The following CDX4 variants were observed in gnomAD, a reference collection of about 807,000 sequenced individuals.
CDX4 encodes the protein caudal type homeobox 4.
In CDX4, 11 loss-of-function variants were observed where a neutral mutation model predicts 14.1. The observed-to-expected ratio is 0.78, with a 90% confidence interval of 0.49 to 1.29. The LOEUF is 1.29. Ranked by LOEUF, CDX4 falls within the 50% of genes most tolerant of loss-of-function variation. CDX4 has a pLI of 0.00. For missense variants in CDX4, 257 were observed against 237.4 expected (o/e 1.08, Z -0.54); for synonymous variants, 100 against 93.5 (o/e 1.07, Z -0.40).
In CDX4 at chrX:73,447,155, A is replaced by T; in HGVS notation, c.-99A>T. ...GTGCAAAAGAGCTTGCGGCACAACT[A>T]CGTACTGATAAGTTTATTCTCTGCT... is the stretch of plus-strand genomic sequence containing the variant. On this transcript the variant is annotated 5_prime_UTR_variant, in exon 1 of 3. Coordinates refer to ENST00000373514, the MANE Select transcript of CDX4 (RefSeq NM_005193.2). 1 of 968,097 alleles carries T rather than the reference A, an allele frequency of 1.0e-6. No homozygotes were observed. The highest frequency in any genetic ancestry group is 1.4e-6 in the Non-Finnish European group (1 of 700,759). 79.8% of individuals were successfully genotyped at this position (968,097 alleles called of 1,213,427 possible).
In CDX4 at chrX:73,454,619, T is replaced by G. The variant is rs779744412; in HGVS notation, c.*34T>G. 6 of 1,059,025 alleles carry G rather than the reference T, an allele frequency of 5.7e-6. No individual in the cohort carries two copies. In the Admixed American group the frequency reaches 6.8e-5, roughly 12 times the overall value. The allele number at this position is 1,059,025 out of a possible 1,213,427, so 87.3% of individuals were successfully genotyped here. A position where few individuals can be genotyped will look rare whatever the true frequency, so the allele number is the denominator to read the frequency against. ...AAAGAGAAATTTAAAGTGCCCTTTT[T>G]TTAGTGATGTCTTTTGGGTCTCTAA... is the stretch of plus-strand genomic sequence containing the variant. On this transcript the variant is annotated 3_prime_UTR_variant, in exon 3 of 3. Transcript: ENST00000373514.
chrX:73,449,649 A>C (rs996112208), intron 1 of CDX4, among the ~76,000 whole-genome samples: 21 of 112,016 alleles, frequency 1.9e-4, no homozygotes, highest in African/African-American at 6.1e-4. Context: ...TTAAATTAAA[A>C]CTTCGTTTCA....
chrX:73,447,842 A>G, intron 1 of CDX4, 87 bp downstream of exon 1: 1 of 1,056,288 alleles, frequency 9.5e-7, no homozygotes, highest in Non-Finnish European at 1.3e-6. Flanking sequence ...CGTACTTCTC[A>G]GGCCTCTCCC....
Position 73,447,482 on chromosome X carries a change from A to AGT in CDX4, c.230_231dup (p.Pro78ValfsTer22). On this transcript the variant is annotated frameshift_variant, in exon 1 of 3. Coordinates refer to ENST00000373514, the MANE Select transcript of CDX4 (RefSeq NM_005193.2). LOFTEE classifies it high-confidence loss of function. ...TCTGGGAGTCTGGGGCTCACCCTAC[A>AGT]GTCCCCCGCGAGAAGACTGGAGCGT... is the stretch of plus-strand genomic sequence containing the variant. 2.5e-6 allele frequency: 3 copies of AGT among 1,211,815 alleles called. No homozygotes were observed. Among genetic ancestry groups the AGT allele is most frequent in the Non-Finnish European group, 3.4e-6 (3 of 895,438 alleles).
Position 73,447,355 on chromosome X carries a change from C to T in CDX4, c.102C>T (p.Gly34=). 1 of 1,210,718 alleles carries T rather than the reference C, an allele frequency of 8.3e-7. No individual in the cohort carries two copies. Among genetic ancestry groups the T allele is most frequent in the Non-Finnish European group, 1.1e-6 (1 of 895,027 alleles). The change falls in exon 1 of 3, where the codon GGC becomes GGT. Residue 34 remains glycine (G), a synonymous_variant. Transcript: ENST00000373514. ...DGTAGTGGTG[G]GGSPMPASNF... The stretch of plus-strand genomic sequence containing the variant: ...CAGCTGGGACAGGCGGCACAGGGGG[C>T]GGTGGGAGTCCGATGCCAGCCTCCA...
intron 1 of CDX4, among the ~76,000 whole-genome samples, chrX:73,451,782 G>GA (rs1186808689): frequency 1.8e-5 from 2 of 112,267 alleles, no homozygotes; most frequent in East Asian, 5.6e-4. Flanking sequence ...GCAACTTTAA[G>GA]ATTAAGAAGG....
chrX:73,447,257 T>C lies in CDX4; in HGVS notation c.4T>C (p.Tyr2His), dbSNP rs777240076. 11 of 1,204,348 alleles carry C rather than the reference T, an allele frequency of 9.1e-6. No individual in the cohort carries two copies. The highest frequency in any genetic ancestry group is 1.2e-5 in the Non-Finnish European group (11 of 891,747). Residue 2 changes from tyrosine (Y) to histidine (H), a missense_variant, in exon 1 of 3, where the codon TAC (tyrosine) becomes CAC (histidine). By Grantham distance (83) the Tyr-to-His change is moderately conservative (BLOSUM62 2). Coordinates refer to ENST00000373514, the MANE Select transcript of CDX4 (RefSeq NM_005193.2). The part of the protein sequence containing the change: M[Y>H]GSCLLEKEAG... ...AGCGCCTTCTACCCAAGACACGATGTACGGAAGCTGTCTTTTGGAGAAAGA... is the reference window on the plus strand; with the variant it reads ...AGCGCCTTCTACCCAAGACACGATGCACGGAAGCTGTCTTTTGGAGAAAGA...
At chrX:73,453,820 C>T (rs2057097578) in intron 2 of CDX4, among the ~76,000 whole-genome samples, 158 bp downstream of exon 2, 1 of 111,602 alleles carries the variant, frequency 9.0e-6, no homozygotes, top group African/African-American at 3.3e-5. Context: ...CTATCTCCAG[C>T]AAGAGATATA....
Position 73,454,700 on chromosome X carries a change from A to G in CDX4, c.*115A>G. 1 of 498,277 alleles carries G rather than the reference A, an allele frequency of 2.0e-6. No individual in the cohort carries two copies. The highest frequency in any genetic ancestry group is 3.2e-5 in the South Asian group (1 of 31,029). The allele number at this position is 498,277 out of a possible 1,213,427, so 41.1% of individuals were successfully genotyped here. On this transcript the variant is annotated 3_prime_UTR_variant, in exon 3 of 3. Coordinates refer to ENST00000373514, the MANE Select transcript of CDX4 (RefSeq NM_005193.2). ...AATTCCCTGTAAGGCAGTATTTGGA[A>G]CAGATGGATGCACAATGGGTTGAAG...
intron 1 of CDX4, among the ~76,000 whole-genome samples, chrX:73,451,461 G>A (rs1415151920): frequency 2.7e-5 from 3 of 111,458 alleles, no homozygotes; most frequent in African/African-American, 9.8e-5. Context: ...TTTGGCAACA[G>A]ACTCTTTTTA....
At chrX:73,451,737 A>C (rs1342155436) in intron 1 of CDX4, among the ~76,000 whole-genome samples, 1 of 112,159 alleles carries the variant, frequency 8.9e-6, no homozygotes, top group Admixed American at 9.4e-5. Flanking sequence ...TTGAATTTTT[A>C]ACCAGTCTGC....
Position 73,454,650 on chromosome X carries a change from C to G in CDX4, c.*65C>G. The G allele has an allele frequency of 1.2e-6, 1 of 824,917 alleles. No homozygotes were observed. Among genetic ancestry groups the G allele is most frequent in the Non-Finnish European group, 1.8e-6 (1 of 565,293 alleles). The allele number at this position is 824,917 out of a possible 1,213,427, so 68.0% of individuals were successfully genotyped here. A position where few individuals can be genotyped will look rare whatever the true frequency, so the allele number is the denominator to read the frequency against. On this transcript the variant is annotated 3_prime_UTR_variant, in exon 3 of 3. Transcript: ENST00000373514. ...GATGTCTTTTGGGTCTCTAAGCTATCTACAGGGGAGTTGGAGCAGGGTGTA... is the reference window on the plus strand; with the variant it reads ...GATGTCTTTTGGGTCTCTAAGCTATGTACAGGGGAGTTGGAGCAGGGTGTA...
At chrX:73,451,728 T>A (rs1057507455) in intron 1 of CDX4, among the ~76,000 whole-genome samples, 5 of 112,106 alleles carry the variant, frequency 4.5e-5, no homozygotes, top group Non-Finnish European at 9.4e-5. Flanking sequence ...AAAGACAAGT[T>A]GAATTTTTAA....
Position 73,454,580 on chromosome X carries a change from G to A in CDX4, c.850G>A (p.Glu284Lys), listed in dbSNP as rs758968054. ...TGAGATACAGCAGGTTATAGTCTCCGAATGAAAGAAAGCAAAGAGAAATTT... is the reference window on the plus strand; with the variant it reads ...TGAGATACAGCAGGTTATAGTCTCCAAATGAAAGAAAGCAAAGAGAAATTT... ...PIEIQQVIVS[E>K] is the part of the protein sequence containing the mutation. Residue 284 changes from glutamate to lysine, a missense_variant, in exon 3 of 3, where the codon GAA becomes AAA. Physicochemically the swap from Glu to Lys is moderately conservative, Grantham distance 56 (BLOSUM62 1). Coordinates refer to ENST00000373514, the MANE Select transcript of CDX4 (RefSeq NM_005193.2). 19 of 1,192,722 alleles carry A rather than the reference G, an allele frequency of 1.6e-5. No homozygotes were observed. Among genetic ancestry groups the A allele is most frequent in the Middle Eastern group, 4.6e-4 (2 of 4,304 alleles).
chrX:73,453,469 C>T (rs746468892), intron 1 of CDX4, 48 bp from the exon 2 acceptor site: 84 of 1,112,320 alleles, frequency 7.6e-5, no homozygotes, highest in Non-Finnish European at 1.1e-5. Context: ...CTAAAACAAT[C>T]TCCAAGAAGC....
intron 1 of CDX4, 58 bp from the exon 2 acceptor site, chrX:73,453,459 C>T: frequency 9.5e-7 from 1 of 1,051,098 alleles, no homozygotes. Flanking sequence ...ATTTCTTTAA[C>T]TAAAACAATC....
At chrX:73,450,773 G>A (rs1237277369) in intron 1 of CDX4, among the ~76,000 whole-genome samples, 1 of 111,591 alleles carries the variant, frequency 9.0e-6, no homozygotes, top group Non-Finnish European at 1.9e-5. Context: ...GAGTCCATTA[G>A]ACAGTACTCC....
Position 73,454,930 on chromosome X carries a change from TG to T in CDX4, c.*346del. On this transcript the variant is annotated 3_prime_UTR_variant, in exon 3 of 3. Transcript: ENST00000373514. ...ACAATTTTGCCAGAAAGCACATTTG[TG>T]TATGTGTACTTCTGTTTGTTATTTG... is the stretch of plus-strand genomic sequence containing the variant. The T allele has an allele frequency of 6.0e-6, 1 of 166,364 alleles. No homozygotes were observed. Among genetic ancestry groups the T allele is most frequent in the African/African-American group, 3.0e-5 (1 of 33,469 alleles). 13.7% of individuals were successfully genotyped at this position (166,364 alleles called of 1,213,427 possible).
rs897378141 is a variant in CDX4 at position 73,454,464 on chromosome X, C to T, written c.734C>T (p.Ser245Leu). The T allele has an allele frequency of 1.0e-5, 12 of 1,188,882 alleles. No individual in the cohort carries two copies. Among genetic ancestry groups the T allele is most frequent in the South Asian group, 1.8e-5 (1 of 56,005 alleles). Residue 245 changes from serine (S) to leucine (L), a missense_variant, in exon 3 of 3, where the codon TCG (serine) becomes TTG (leucine). Physicochemically the swap from Ser to Leu is moderately radical, Grantham distance 145. Transcript: ENST00000373514. ...TCCCAGTTTGAGAATAGTGGAGGCT[C>T]GGTGCAAAGTGACTCTGACTCCATC... is the stretch of plus-strand genomic sequence containing the variant. ...KISQFENSGGSVQSDSDSISP... is the reference protein window; with the variant it reads ...KISQFENSGGLVQSDSDSISP...
Sources: allele counts gnomAD v4.1 joint callset (sites outside exome capture counted in the v4.1 genomes callset), GRCh38; gene constraint gnomAD v4.1.1; transcripts MANE v1.5; gene names NCBI Gene and HGNC (gene_info 2026-07-23, HGNC 2026-07-21).